CHRNA9: variants seen among roughly 807,000 people sequenced by gnomAD.
CHRNA9 encodes the protein neuronal acetylcholine receptor subunit alpha-9.
Under a neutral mutation model 36.8 loss-of-function variants are expected in CHRNA9, and 24 were observed. That is an observed-to-expected ratio of 0.65 (90% CI 0.47 to 0.92). The LOEUF (loss-of-function observed/expected upper bound fraction) is 0.92, where lower values mean the gene tolerates loss of function less well. Ranked by LOEUF, CHRNA9 falls within the 40% of genes least tolerant of loss-of-function variation. CHRNA9 has a pLI of 0.00. For synonymous variants in CHRNA9, 231 were observed against 231.8 expected, an observed-to-expected ratio of 1.00 and a Z score of 0.03; for missense variants, 610 against 601.2, an observed-to-expected ratio of 1.01 and a Z score of -0.15.
intron 4 of CHRNA9, among the ~76,000 whole-genome samples, chr4:40,352,376 TAC>T (rs1560319022): frequency 1.7e-4 from 26 of 151,946 alleles, no homozygotes; most frequent in African/African-American, 6.3e-4. Context: ...CACGTGCCAA[TAC>T]ACCCAGCTAA....
intron 3 of CHRNA9, among the ~76,000 whole-genome samples, chr4:40,341,265 C>A (rs540858137): frequency 7.5e-6 from 1 of 133,742 alleles, no homozygotes; most frequent in African/African-American, 2.8e-5. Flanking sequence ...GCAGGGTTTT[C>A]ATGGTCAGGT....
intron 3 of CHRNA9, among the ~76,000 whole-genome samples, chr4:40,346,208 G>A (rs1470389945): frequency 6.6e-6 from 1 of 152,206 alleles, no homozygotes; most frequent in Non-Finnish European, 1.5e-5. Flanking sequence ...TTCCCTCGCT[G>A]TCTTCCTGGG....
chr4:40,339,104 C>A (rs1026556387), intron 3 of CHRNA9, among the ~76,000 whole-genome samples: 17 of 150,022 alleles, frequency 1.1e-4, no homozygotes, highest in Admixed American at 1.1e-3. Context: ...ATGGTGAAAT[C>A]CGGTCTTTAT....
rs144932927 is a variant in CHRNA9 at position 40,338,694 on chromosome 4, T to C, written c.365+1330T>C. Among the ~76,000 whole-genome samples the C allele has an allele frequency of 6.7e-4, 99 of 148,190 alleles. 3 individuals are homozygous for C. In the East Asian group the frequency reaches 0.018, roughly 28 times the overall value. On this transcript the variant is annotated intron_variant, in intron 3 of 4. Transcript: ENST00000310169. ...CTAAGGGTCATGAGCTCTGGAATCATAGCCCTGTTTTTCTGTCCATTCCCA... is the reference window on the plus strand; with the variant it reads ...CTAAGGGTCATGAGCTCTGGAATCACAGCCCTGTTTTTCTGTCCATTCCCA...
intron 3 of CHRNA9, among the ~76,000 whole-genome samples, chr4:40,338,856 CTCTCTCTCTCTG>C (rs1488505211): frequency 4.3e-4 from 57 of 131,304 alleles, no homozygotes; most frequent in Non-Finnish European, 7.3e-4. Flanking sequence ...GTCTCTGTCT[CTCTCTCTCTCTG>C]TCTCTCTCTC....
At chr4:40,337,564 A>G (rs1230283768) in intron 3 of CHRNA9, among the ~76,000 whole-genome samples, 200 bp downstream of exon 3, 2 of 152,232 alleles carry the variant, frequency 1.3e-5, no homozygotes, top group Non-Finnish European at 2.9e-5. Flanking sequence ...GAAAGAAACC[A>G]TCCATCTACA....
At chr4:40,340,732 G>A (rs1397212554) in intron 3 of CHRNA9, among the ~76,000 whole-genome samples, 3 of 152,028 alleles carry the variant, frequency 2.0e-5, no homozygotes, top group Non-Finnish European at 4.4e-5. Context: ...CACCATTGGT[G>A]CCCAAATCCA....
rs373751159 is a variant in CHRNA9 at position 40,344,757 on chromosome 4, A to T, written c.366-4125A>T. ...ATATTTTTATGAGAAGTAAATAAGA[A>T]TTTTAAGACCCAGTCTCTGACCTCA... On this transcript the variant is annotated intron_variant, in intron 3 of 4. Transcript: ENST00000310169. Among the ~76,000 whole-genome samples, 34 of 152,310 alleles carry T rather than the reference A, an allele frequency of 2.2e-4. No individual in the cohort carries two copies. In the East Asian group the frequency reaches 5.8e-3, roughly 26 times the overall value.
At chr4:40,353,752 G>C (rs976977450) in intron 4 of CHRNA9, among the ~76,000 whole-genome samples, 1 of 152,128 alleles carries the variant, frequency 6.6e-6, no homozygotes, top group Non-Finnish European at 1.5e-5. Flanking sequence ...GTAACATGCT[G>C]CACAGGTTTG....
In CHRNA9 at chr4:40,349,252, A is replaced by G. The variant is rs140297518; in HGVS notation, c.736A>G (p.Ile246Val). ...RSSFYIVNLL[I>V]PCVLISFLAP... The stretch of plus-strand genomic sequence containing the variant: ...CTCGTTCTATATCGTCAACCTCCTC[A>G]TCCCATGCGTCCTCATATCTTTTCT... The change falls in exon 4 of 5, where the codon ATC becomes GTC. Residue 246 changes from isoleucine (I) to valine (V), a missense_variant. By Grantham distance (29) the Ile-to-Val change is conservative (BLOSUM62 3). Coordinates refer to ENST00000310169, the MANE Select transcript of CHRNA9 (RefSeq NM_017581.4). 2.0e-5 allele frequency: 33 copies of G among 1,614,008 alleles called. No individual in the cohort carries two copies. The highest frequency in any genetic ancestry group is 2.8e-5 in the Non-Finnish European group (33 of 1,180,024).
intron 3 of CHRNA9, among the ~76,000 whole-genome samples, chr4:40,339,347 C>T (rs994854563): frequency 6.8e-6 from 1 of 147,164 alleles, no homozygotes; most frequent in Non-Finnish European, 1.5e-5. Context: ...CACAGATGAT[C>T]TCTTACAGAA....
At chr4:40,348,850 T>A (rs759833020) in intron 3 of CHRNA9, 32 bp from the exon 4 acceptor site, 2 of 1,600,096 alleles carry the variant, frequency 1.2e-6, no homozygotes, top group Non-Finnish European at 1.7e-6. Flanking sequence ...TCTCCTAGCA[T>A]GCGGCTTTCA....
At chr4:40,338,843 T>G (rs1712402839) in intron 3 of CHRNA9, among the ~76,000 whole-genome samples, 1 of 133,208 alleles carries the variant, frequency 7.5e-6, no homozygotes, top group African/African-American at 3.1e-5. Context: ...TCTCTCTGTC[T>G]CTGTCTCTGT....
At chr4:40,348,237 G>A (rs192159771) in intron 3 of CHRNA9, 1 of 152,574 alleles carries the variant, frequency 6.6e-6, no homozygotes, top group African/African-American at 2.4e-5. Flanking sequence ...CCTTGCAATG[G>A]GAGAGGAAGT....
chr4:40,341,026 GT>G, intron 3 of CHRNA9, among the ~76,000 whole-genome samples: 1 of 141,114 alleles, frequency 7.1e-6, no homozygotes, highest in East Asian at 2.1e-4. Flanking sequence ...GCAATGAATT[GT>G]CCCAAGAAAT....
intron 3 of CHRNA9, among the ~76,000 whole-genome samples, chr4:40,342,939 A>T (rs544013822): frequency 3.9e-5 from 6 of 152,152 alleles, no homozygotes; most frequent in Admixed American, 2.6e-4. Flanking sequence ...AGAGGGGGGA[A>T]CTTCTTTTTG....
intron 4 of CHRNA9, among the ~76,000 whole-genome samples, chr4:40,353,550 G>T (rs1466031297): frequency 1.3e-5 from 2 of 152,118 alleles, no homozygotes; most frequent in South Asian, 2.1e-4. Flanking sequence ...CTTAGAAAGG[G>T]TGTTTGTTTC....
chr4:40,346,624 C>A lies in CHRNA9; in HGVS notation c.366-2258C>A, dbSNP rs562828754. On this transcript the variant is annotated intron_variant, in intron 3 of 4. Transcript: ENST00000310169. ...TACAGGAGGAAGCTTCAGGCATTTT[C>A]AAAAAATTCATTTTGTTATCTTCGC... 1.2e-4 allele frequency among the ~76,000 whole-genome samples: 19 copies of A among 152,172 alleles called. No homozygotes were observed. In the South Asian group the frequency reaches 2.3e-3, roughly 18 times the overall value.
chr4:40,345,308 T>G (rs906282385), intron 3 of CHRNA9, among the ~76,000 whole-genome samples: 3 of 151,388 alleles, frequency 2.0e-5, no homozygotes, highest in African/African-American at 7.3e-5. Context: ...TCCCAGCACT[T>G]TGGGAAGCCA....
Sources: gnomAD v4.1 joint callset for allele counts (sites outside exome capture counted in the v4.1 genomes callset) on GRCh38, gnomAD v4.1.1 for gene constraint, MANE v1.5 for transcripts, NCBI Gene and HGNC (gene_info 2026-07-23, HGNC 2026-07-21) for gene names.